The following CSNK1G1 variants were observed in gnomAD, a reference collection of about 807,000 sequenced individuals.
CSNK1G1 encodes casein kinase I isoform gamma-1.
CSNK1G1 carries 22 observed loss-of-function variants against 59.6 expected under a neutral mutation model. That is an observed-to-expected ratio of 0.37 (90% CI 0.26 to 0.53). CSNK1G1 has a LOEUF of 0.53. Among genes scored for constraint, CSNK1G1 ranks in the 20% least tolerant of loss-of-function variants. The pLI is 0.89. For synonymous variants in CSNK1G1, 179 were observed against 177.1 expected (o/e 1.01, Z -0.08); for missense variants, 384 against 519.5 (o/e 0.74, Z 2.54).
intron 1 of CSNK1G1, among the ~76,000 whole-genome samples, chr15:64,334,318 T>C (rs1566951561): frequency 6.6e-6 from 1 of 152,162 alleles, no homozygotes; most frequent in East Asian, 1.9e-4. Context: ...GTGCCCAGCC[T>C]AAAATCTTTT....
At chr15:64,238,156 G>A (rs1267037933) in intron 4 of CSNK1G1, among the ~76,000 whole-genome samples, 3 of 151,894 alleles carry the variant, frequency 2.0e-5, no homozygotes, top group Admixed American at 2.0e-4. Context: ...TCCAATCTTT[G>A]CCCCAGTTAA....
chr15:64,176,450 G>A lies in CSNK1G1; in HGVS notation c.1214+3898C>T, dbSNP rs1431748984. The stretch of plus-strand genomic sequence containing the variant: ...GTCAAGGTAGGCTGAGTAGGCCCAG[G>A]CCACTTGGTCCCCACGTTAAAGTGG... On this transcript the variant is annotated intron_variant, in intron 11 of 11. Transcript: ENST00000303052. The surrounding 1 kb of genome is among the most constrained non-coding windows in gnomAD (Gnocchi z 5.2). 2.0e-5 allele frequency among the ~76,000 whole-genome samples: 3 copies of A among 152,202 alleles called. No homozygotes were observed. The highest frequency in any genetic ancestry group is 6.5e-5 in the Admixed American group (1 of 15,284).
intron 4 of CSNK1G1, among the ~76,000 whole-genome samples, chr15:64,218,249 C>T (rs1175539123): frequency 6.6e-6 from 1 of 152,130 alleles, no homozygotes; most frequent in Non-Finnish European, 1.5e-5. Flanking sequence ...CTGTGTCCAG[C>T]CCCATTCCCT....
intron 1 of CSNK1G1, among the ~76,000 whole-genome samples, chr15:64,316,109 C>T (rs1269852038): frequency 6.6e-6 from 1 of 152,148 alleles, no homozygotes; most frequent in Non-Finnish European, 1.5e-5. Context: ...TCATGGCAGC[C>T]TTGAACTCCT....
chr15:64,297,377 G>C (rs1895081821), intron 2 of CSNK1G1, among the ~76,000 whole-genome samples: 1 of 151,990 alleles, frequency 6.6e-6, no homozygotes, highest in African/African-American at 2.4e-5. Flanking sequence ...AATTCTGCAA[G>C]CAGAAGGAAT....
intron 1 of CSNK1G1, among the ~76,000 whole-genome samples, chr15:64,341,495 A>G (rs560311184): frequency 7.9e-5 from 12 of 152,292 alleles, no homozygotes; most frequent in Non-Finnish European, 7.4e-5. Flanking sequence ...TTGGTTTCAA[A>G]GACATCTTGC....
chr15:64,264,697 G>T (rs1256391019), intron 2 of CSNK1G1, among the ~76,000 whole-genome samples: 1 of 152,146 alleles, frequency 6.6e-6, no homozygotes, highest in African/African-American at 2.4e-5. Context: ...TGTATCCCGG[G>T]GATGTTAAGG....
At chr15:64,181,110 TAAC>T in intron 10 of CSNK1G1, 4 of 1,425,026 alleles carry the variant, frequency 2.8e-6, no homozygotes, top group Non-Finnish European at 3.7e-6. Flanking sequence ...AAGTTACAAA[TAAC>T]AAGATTGTCA....
At chr15:64,259,493 C>G (rs762215499) in intron 2 of CSNK1G1, among the ~76,000 whole-genome samples, 6,537 of 138,530 alleles carry the variant, frequency 0.047, 172 homozygotes, top group South Asian at 0.086. Context: ...TACACACACA[C>G]ACACACACAC....
At chr15:64,285,882 T>C (rs1730875166) in intron 2 of CSNK1G1, among the ~76,000 whole-genome samples, 1 of 151,394 alleles carries the variant, frequency 6.6e-6, no homozygotes, top group Non-Finnish European at 1.5e-5. Flanking sequence ...AACGATGACT[T>C]GTAATTCCTC....
chr15:64,284,757 T>C (rs998722603), intron 2 of CSNK1G1, among the ~76,000 whole-genome samples: 1 of 152,092 alleles, frequency 6.6e-6, no homozygotes, highest in Non-Finnish European at 1.5e-5. Flanking sequence ...ATTTTTAATT[T>C]TTATTATTAT....
At chr15:64,304,013 C>A (rs1895522536) in intron 1 of CSNK1G1, among the ~76,000 whole-genome samples, 1 of 151,840 alleles carries the variant, frequency 6.6e-6, no homozygotes, top group African/African-American at 2.4e-5. Flanking sequence ...CTTCCCACAA[C>A]CATGACAAAA....
In CSNK1G1 at chr15:64,308,617, C is replaced by G. The variant is rs79091279; in HGVS notation, c.-224-7894G>C. Among the ~76,000 whole-genome samples, 107 of 152,252 alleles carry G rather than the reference C, an allele frequency of 7.0e-4. 4 individuals are homozygous for G. The East Asian group carries it at 0.013, about 18-fold the overall frequency. The stretch of plus-strand genomic sequence containing the variant: ...CCTTTAGGATAAAACAAAATCCTGG[C>G]CAGGCGCGGTGGCTCACATCTATAA... On this transcript the variant is annotated intron_variant, in intron 1 of 11. Transcript: ENST00000303052.
chr15:64,216,748 G>T lies in CSNK1G1; in HGVS notation c.293-35C>A. ...GAGGGGAAATGGGGGTATACAGTGG[G>T]AGACACAAAAGCCAAAATATGAGAT... On this transcript the variant is annotated intron_variant, in intron 4 of 11. Coordinates refer to ENST00000303052, the MANE Select transcript of CSNK1G1 (RefSeq NM_022048.5). The surrounding 1 kb of genome is among the most constrained non-coding windows in gnomAD (Gnocchi z 4.6). 6.3e-7 allele frequency: 1 copy of T among 1,596,716 alleles called. No homozygotes were observed. Among genetic ancestry groups the T allele is most frequent in the Non-Finnish European group, 8.6e-7 (1 of 1,168,816 alleles).
intron 2 of CSNK1G1, among the ~76,000 whole-genome samples, chr15:64,289,047 C>T (rs1894587147): frequency 6.6e-6 from 1 of 151,744 alleles, no homozygotes; most frequent in African/African-American, 2.4e-5. Flanking sequence ...TGGTGGTGCA[C>T]GCCTGTAACC....
chr15:64,278,404 GTGTGTGTGTGTGTGTATATATATA>G (rs1893897418), intron 2 of CSNK1G1, among the ~76,000 whole-genome samples: 2 of 129,558 alleles, frequency 1.5e-5, no homozygotes, highest in African/African-American at 6.7e-5. Context: ...GTGTGTGTGT[GTGTGTGTGTGTGTGTATATATATA>G]TATATTTTTT....
chr15:64,285,355 A>AT (rs1894352380), intron 2 of CSNK1G1, among the ~76,000 whole-genome samples: 1 of 152,174 alleles, frequency 6.6e-6, no homozygotes, highest in Non-Finnish European at 1.5e-5. Flanking sequence ...ATGACATTGC[A>AT]ATATTGCCTA....
intron 4 of CSNK1G1, among the ~76,000 whole-genome samples, chr15:64,238,439 G>GCTATGATCA (rs2082644691): frequency 7.6e-6 from 1 of 131,336 alleles, no homozygotes; most frequent in South Asian, 2.5e-4. Context: ...GCTGCAGTAA[G>GCTATGATCA]CTATGATCAC....
intron 10 of CSNK1G1, 60 bp from the exon 11 acceptor site, chr15:64,180,514 C>A (rs573764337): frequency 1.5e-6 from 2 of 1,355,356 alleles, no homozygotes; most frequent in Non-Finnish European, 2.1e-6. Context: ...CTCTTGCCAG[C>A]GCCAGACAGG....
Sources: allele counts gnomAD v4.1 joint callset (sites outside exome capture counted in the v4.1 genomes callset), GRCh38; gene constraint gnomAD v4.1.1; non-coding constraint Gnocchi (gnomAD v3.1); transcripts MANE v1.5; gene names NCBI Gene and HGNC (gene_info 2026-07-23, HGNC 2026-07-21).